The following MBNL2 variants were observed in gnomAD, a reference collection of about 807,000 sequenced individuals.
MBNL2 encodes muscleblind-like protein 2.
A neutral mutation model predicts 41.9 loss-of-function variants in MBNL2; 17 were observed. The observed-to-expected ratio is 0.41, with a 90% CI of 0.28 to 0.61. The LOEUF (loss-of-function observed/expected upper bound fraction) is 0.61, where lower values mean the gene tolerates loss of function less well. Ranked by LOEUF, MBNL2 falls within the 20% of genes least tolerant of loss-of-function variation. The pLI, the probability that MBNL2 is intolerant of heterozygous loss-of-function variation, is 0.35. For synonymous variants in MBNL2, 195 were observed against 182.9 expected (o/e 1.07, Z -0.53); for missense variants, 336 against 505.6 (o/e 0.66, Z 3.22).
At chr13:97,338,402 GT>G (rs2061076110) in intron 3 of MBNL2, among the ~76,000 whole-genome samples, 1 of 152,124 alleles carries the variant, frequency 6.6e-6, no homozygotes, top group Non-Finnish European at 1.5e-5. Context: ...CTGTAATTTT[GT>G]TTGTTTTCTT....
intron 5 of MBNL2, 32 bp downstream of exon 5, chr13:97,347,099 C>T (rs748639906): frequency 1.5e-5 from 22 of 1,483,172 alleles, no homozygotes; most frequent in African/African-American, 4.3e-5. Context: ...CCCTGCACCC[C>T]GGCGCCTCTG....
intron 5 of MBNL2, among the ~76,000 whole-genome samples, chr13:97,347,947 C>T (rs1011142654): frequency 6.6e-6 from 1 of 152,178 alleles, no homozygotes; most frequent in South Asian, 2.1e-4. Context: ...AAGCACCTGC[C>T]TAGACATTGC....
chr13:97,265,292 T>G (rs1427579119), intron 1 of MBNL2, among the ~76,000 whole-genome samples: 1 of 152,248 alleles, frequency 6.6e-6, no homozygotes, highest in African/African-American at 2.4e-5. Flanking sequence ...TTTCTCCTTT[T>G]GTTATTTTTA....
intron 2 of MBNL2, among the ~76,000 whole-genome samples, chr13:97,284,586 G>C (rs563755028): frequency 2.3e-4 from 35 of 152,302 alleles, no homozygotes; most frequent in Non-Finnish European, 3.8e-4. Flanking sequence ...CTGAGGAACT[G>C]GGGGTTAGGA....
intron 2 of MBNL2, among the ~76,000 whole-genome samples, chr13:97,321,733 T>C (rs1232118502): frequency 1.3e-5 from 2 of 152,160 alleles, no homozygotes; most frequent in African/African-American, 4.8e-5. Flanking sequence ...GAATGCTTTT[T>C]AAGGTGTGAT....
Position 97,319,138 on chromosome 13 carries a change from G to C in MBNL2, c.175-15138G>C, listed in dbSNP as rs2059292049. ...AGAGCTTCACTCTGGTAAGGAGCCTGGAGGGAGGCAGGTTCTCAGACCTTG... is the reference window on the plus strand; with the variant it reads ...AGAGCTTCACTCTGGTAAGGAGCCTCGAGGGAGGCAGGTTCTCAGACCTTG... On this transcript the variant is annotated intron_variant, in intron 2 of 8. Coordinates refer to ENST00000679496, the MANE Select transcript of MBNL2 (RefSeq NM_001382683.1). Among the ~76,000 whole-genome samples, 4 of 152,184 alleles carry C rather than the reference G, an allele frequency of 2.6e-5. No individual in the cohort carries two copies. The South Asian group carries it at 8.3e-4, about 32-fold the overall frequency.
the MBNL2 span, among the ~76,000 whole-genome samples, chr13:97,210,728 G>T: frequency 6.6e-6 from 1 of 151,376 alleles, no homozygotes; most frequent in Admixed American, 6.6e-5. Flanking sequence ...AAGTAGCTGG[G>T]GTTACAGGCA....
At chr13:97,210,410 T>C in the MBNL2 span, among the ~76,000 whole-genome samples, 1 of 152,252 alleles carries the variant, frequency 6.6e-6, no homozygotes, top group South Asian at 2.1e-4. Context: ...TTTGTCTTTG[T>C]GGCATAGCTT....
chr13:97,290,134 A>G (rs1469596847), intron 2 of MBNL2, among the ~76,000 whole-genome samples: 2 of 152,194 alleles, frequency 1.3e-5, no homozygotes, highest in Admixed American at 6.5e-5. Flanking sequence ...CAATTCTTGA[A>G]TCACTATTTG....
At chr13:97,238,586 C>T (rs761769812) in intron 1 of MBNL2, among the ~76,000 whole-genome samples, 19 of 152,140 alleles carry the variant, frequency 1.2e-4, no homozygotes, top group African/African-American at 4.3e-4. Context: ...GCCAAGACAA[C>T]GCCTCTGACC....
chr13:97,334,375 A>T lies in MBNL2; in HGVS notation c.274A>T (p.Thr92Ser). Residue 92 changes from threonine to serine, a missense_variant, in exon 3 of 9, where the codon ACT becomes TCT. Coordinates refer to ENST00000679496, the MANE Select transcript of MBNL2 (RefSeq NM_001382683.1). The surrounding 1 kb of genome is among the most constrained non-coding windows in gnomAD (Gnocchi z 5.3). ...NGRNNLIQQKTAAAMLAQQMQ... is the reference protein window; with the variant it reads ...NGRNNLIQQKSAAAMLAQQMQ... ...AAGGAACAATTTGATTCAGCAAAAA[A>T]CTGCAGCAGCAATGCTTGCCCAGCA... is the stretch of plus-strand genomic sequence containing the variant. The T allele has an allele frequency of 6.2e-7, 1 of 1,613,790 alleles. No homozygotes were observed. The highest frequency in any genetic ancestry group is 8.5e-7 in the Non-Finnish European group (1 of 1,179,816).
At chr13:97,288,522 G>T (rs927439717) in intron 2 of MBNL2, among the ~76,000 whole-genome samples, 12 of 152,202 alleles carry the variant, frequency 7.9e-5, no homozygotes, top group African/African-American at 2.4e-4. Flanking sequence ...CCAAGAAACT[G>T]AGAGAAGCCA....
At chr13:97,304,318 G>T (rs2057920175) in intron 2 of MBNL2, among the ~76,000 whole-genome samples, 1 of 152,148 alleles carries the variant, frequency 6.6e-6, no homozygotes, top group Admixed American at 6.5e-5. Flanking sequence ...GGCTTAGCAG[G>T]GAAAGTGTTT....
chr13:97,234,141 CA>C (rs1445030377), intron 1 of MBNL2, among the ~76,000 whole-genome samples: 2 of 151,400 alleles, frequency 1.3e-5, no homozygotes, highest in African/African-American at 2.4e-5. Flanking sequence ...ATGGCGCATA[CA>C]AGCCATAACA....
At chr13:97,249,240 GA>G (rs1191838832) in intron 1 of MBNL2, among the ~76,000 whole-genome samples, 1 of 152,164 alleles carries the variant, frequency 6.6e-6, no homozygotes, top group Non-Finnish European at 1.5e-5. Flanking sequence ...TGCATTTTAA[GA>G]TGTTCAGTCT....
At chr13:97,319,454 C>T (rs1346683205) in intron 2 of MBNL2, among the ~76,000 whole-genome samples, 1 of 152,118 alleles carries the variant, frequency 6.6e-6, no homozygotes, top group Non-Finnish European at 1.5e-5. Context: ...TAGAAGACTC[C>T]AGCTGAATAG....
chr13:97,242,508 T>C (rs1175995179), intron 1 of MBNL2, among the ~76,000 whole-genome samples: 3 of 152,222 alleles, frequency 2.0e-5, no homozygotes, highest in African/African-American at 7.2e-5. Flanking sequence ...CCTGCCGTCT[T>C]CTACCCAAAA....
At chr13:97,389,101 C>T (rs1429907494) in intron 8 of MBNL2, among the ~76,000 whole-genome samples, 2 of 152,138 alleles carry the variant, frequency 1.3e-5, no homozygotes, top group African/African-American at 2.4e-5. Flanking sequence ...AATAGCTCAT[C>T]GGTAGACTGG....
At chr13:97,304,895 A>G (rs1050893649) in intron 2 of MBNL2, among the ~76,000 whole-genome samples, 3 of 152,252 alleles carry the variant, frequency 2.0e-5, no homozygotes, top group Non-Finnish European at 4.4e-5. Context: ...TTGGAGGGAT[A>G]CCAGCTCTGC....
Sources: gnomAD v4.1 joint callset for allele counts (sites outside exome capture counted in the v4.1 genomes callset) on GRCh38, gnomAD v4.1.1 for gene constraint, Gnocchi (gnomAD v3.1) non-coding constraint, MANE v1.5 for transcripts, NCBI Gene and HGNC (gene_info 2026-07-23, HGNC 2026-07-21) for gene names.